Variants in POM121 observed in about 807,000 individuals in gnomAD.
POM121 encodes nuclear envelope pore membrane protein POM 121.
POM121 carries 32 observed loss-of-function variants against 81.3 expected under a neutral mutation model. That is an observed-to-expected ratio of 0.39 (90% CI 0.30 to 0.53). The LOEUF is 0.53. Ranked by LOEUF, POM121 falls within the 20% of genes least tolerant of loss-of-function variation. The probability of loss-of-function intolerance (pLI) is 0.66; values close to 1 mark genes in which losing one functional copy is unlikely to be tolerated. For synonymous variants in POM121, 514 were observed against 694.2 expected, an observed-to-expected ratio of 0.74 and a Z score of 4.08; for missense variants, 1,138 against 1,614.6, an observed-to-expected ratio of 0.70 and a Z score of 5.06.
At chr7:72,882,687 T>G (rs1790281586) in intron 1 of POM121, among the ~76,000 whole-genome samples, 1 of 152,196 alleles carries the variant, frequency 6.6e-6, no homozygotes, top group Non-Finnish European at 1.5e-5. Context: ...AATGACGTGA[T>G]CATCCGTCAA....
upstream of POM121, among the ~76,000 whole-genome samples, chr7:72,923,748 C>T (rs530226364): frequency 4.7e-5 from 7 of 147,522 alleles, no homozygotes; most frequent in South Asian, 2.2e-4. Context: ...TACAGGCGCC[C>T]GCCACTACGC....
intron 3 of POM121, among the ~76,000 whole-genome samples, chr7:72,897,306 G>T (rs1165253183): frequency 1.3e-5 from 2 of 152,162 alleles, no homozygotes; most frequent in Admixed American, 6.6e-5. Context: ...GCTGAAGGAG[G>T]TGGAGAGAGA....
intron 3 of POM121, among the ~76,000 whole-genome samples, chr7:72,910,052 A>G (rs561900243): frequency 1.3e-5 from 2 of 152,348 alleles, no homozygotes; most frequent in East Asian, 1.9e-4. Context: ...CTTCGAGGGC[A>G]TGGCCAGGAC....
chr7:72,910,475 T>TGAG (rs1793699703), intron 3 of POM121, among the ~76,000 whole-genome samples: 1 of 152,082 alleles, frequency 6.6e-6, no homozygotes, highest in South Asian at 2.1e-4. Flanking sequence ...CTCCTCACTG[T>TGAG]CTTTGAGAGA....
Position 72,926,882 on chromosome 7 carries a change from G to T in POM121, c.941G>T (p.Ser314Ile). 1 of 1,613,974 alleles carries T rather than the reference G, an allele frequency of 6.2e-7. No homozygotes were observed. Among genetic ancestry groups the T allele is most frequent in the Non-Finnish European group, 8.5e-7 (1 of 1,179,874 alleles). Residue 314 changes from serine to isoleucine, a missense_variant, in exon 3 of 13, where the codon AGT becomes ATT. Ser to Ile is a moderately radical substitution (Grantham distance 142, BLOSUM62 -2). Coordinates refer to ENST00000434423, the MANE Select transcript of POM121 (RefSeq NM_001387691.1). ...CCATGTGCAAAGGAGACAGTACTGA[G>T]TGCCCTCAAAGAGAAGGAGAAGAAA... ...PDPCAKETVLSALKEKEKKRT... is the reference protein window; with the variant it reads ...PDPCAKETVLIALKEKEKKRT...
chr7:72,927,885 T>C (rs1795621648), intron 3 of POM121, among the ~76,000 whole-genome samples: 1 of 152,152 alleles, frequency 6.6e-6, no homozygotes. Context: ...ACAAAATCCC[T>C]GCTCTCATGG....
chr7:72,948,110 G>T lies in POM121; in HGVS notation c.*1876G>T. 1 of 1,379,776 alleles carries T rather than the reference G, an allele frequency of 7.2e-7. No individual in the cohort carries two copies. The allele number at this position is 1,379,776 out of a possible 1,614,324, so 85.5% of individuals were successfully genotyped here. ...CCTCAGTTCCGCAGGCAGGACAGCCGGTCCGGGAACCCTGAGTGAGAATGA... is the reference window on the plus strand; with the variant it reads ...CCTCAGTTCCGCAGGCAGGACAGCCTGTCCGGGAACCCTGAGTGAGAATGA... On this transcript the variant is annotated 3_prime_UTR_variant, in exon 13 of 13. Transcript: ENST00000434423.
intron 3 of POM121, among the ~76,000 whole-genome samples, chr7:72,897,545 T>A (rs1792089721): frequency 1.3e-5 from 2 of 152,172 alleles, no homozygotes; most frequent in South Asian, 4.1e-4. Flanking sequence ...AGAGGACTAA[T>A]GAGATTCAAC....
At chr7:72,902,671 G>A (rs1189364933) in intron 3 of POM121, among the ~76,000 whole-genome samples, 1 of 152,056 alleles carries the variant, frequency 6.6e-6, no homozygotes, top group Non-Finnish European at 1.5e-5. Context: ...TGGGACTACA[G>A]GCGCATTCTA....
At chr7:72,890,131 T>C (rs1554490650) in intron 1 of POM121, among the ~76,000 whole-genome samples, 6 of 151,838 alleles carry the variant, frequency 4.0e-5, no homozygotes. Flanking sequence ...GGCCACTGGC[T>C]ATGAGAATAA....
intron 12 of POM121, among the ~76,000 whole-genome samples, 186 bp downstream of exon 12, chr7:72,945,894 G>A (rs1554503100): frequency 3.9e-5 from 6 of 152,100 alleles, no homozygotes; most frequent in South Asian, 2.1e-4. Flanking sequence ...GGAGCTGTCC[G>A]GGGTGGAAGT....
chr7:72,938,960 C>G (rs1234560886), intron 6 of POM121, among the ~76,000 whole-genome samples: 1 of 152,226 alleles, frequency 6.6e-6, no homozygotes, highest in Non-Finnish European at 1.5e-5. Flanking sequence ...CAGAGAGAGT[C>G]AAGTCAGCGG....
intron 4 of POM121, among the ~76,000 whole-genome samples, chr7:72,928,816 AG>A (rs1795732486): frequency 6.6e-6 from 1 of 152,228 alleles, no homozygotes. Context: ...AACAAATTGG[AG>A]GAAGAATTGG....
intron 1 of POM121, among the ~76,000 whole-genome samples, chr7:72,883,637 A>G (rs575250453): frequency 4.1e-4 from 62 of 151,224 alleles, no homozygotes; most frequent in Non-Finnish European, 7.5e-4. Flanking sequence ...CACCTTTAGC[A>G]CATTTTTTAA....
At chr7:72,946,006 G>C (rs370482855) in intron 12 of POM121, 131 bp from the exon 13 acceptor site, 11 of 1,451,650 alleles carry the variant, frequency 7.6e-6, no homozygotes, top group Non-Finnish European at 1.0e-5. Context: ...CAGTGTTTCT[G>C]ATGCAGCGGG....
chr7:72,916,492 T>G (rs1285640029), intron 4 of POM121, among the ~76,000 whole-genome samples: 3 of 152,210 alleles, frequency 2.0e-5, no homozygotes, highest in Non-Finnish European at 4.4e-5. Flanking sequence ...GTGGTGTTAT[T>G]TCTGAGGTCT....
At position 72,926,459 on chromosome 7, in the gene POM121, G is replaced by C. The variant is rs555308680; in HGVS notation, c.842G>C (p.Arg281Thr). The C allele has an allele frequency of 6.2e-7, 1 of 1,613,894 alleles. No homozygotes were observed. The highest frequency in any genetic ancestry group is 2.2e-5 in the East Asian group (1 of 44,894). The change falls in exon 2 of 13, where the codon AGA (arginine) becomes ACA (threonine). Residue 281 changes from arginine to threonine, a missense_variant. Arg to Thr is a moderately conservative substitution (Grantham distance 71, BLOSUM62 -1). Transcript: ENST00000434423. ...VTVRIAPPDRRFSRSAIPEQI... is the reference protein window; with the variant it reads ...VTVRIAPPDRTFSRSAIPEQI... ...GTGAGGATCGCCCCTCCTGACAGAA[G>C]ATTTTCGCGTTCTGCGATGTGAGTA...
chr7:72,898,986 T>C lies in POM121; in HGVS notation c.-216+7876T>C, dbSNP rs1304591820. ...TTCTTTTTCTTTTCTTTTCTTTTTT[T>C]TTTTTTTTTTTTTTTTTTTAGACAG... is the stretch of plus-strand genomic sequence containing the variant. On this transcript the variant is annotated intron_variant, in intron 3 of 15. Transcript: ENST00000395270. Among the ~76,000 whole-genome samples the C allele has an allele frequency of 4.1e-3, 524 of 127,148 alleles. 4 individuals are homozygous for C. The highest frequency in any genetic ancestry group is 0.013 in the African/African-American group (425 of 33,276). The allele number at this position is 127,148 out of a possible 152,430, so 83.4% of individuals were successfully genotyped here.
chr7:72,919,294 C>T (rs1432682425), intron 4 of POM121, among the ~76,000 whole-genome samples: 1 of 150,306 alleles, frequency 6.7e-6, no homozygotes, highest in Non-Finnish European at 1.5e-5. Flanking sequence ...GATATCATTC[C>T]TCAATTATAT....
Sources: gnomAD v4.1 joint callset for allele counts (sites outside exome capture counted in the v4.1 genomes callset) on GRCh38, gnomAD v4.1.1 for gene constraint, MANE v1.5 for transcripts, NCBI Gene and HGNC (gene_info 2026-07-23, HGNC 2026-07-21) for gene names.